Variants in TMEM117 observed in about 807,000 individuals in gnomAD.
TMEM117 encodes transmembrane protein 117.
TMEM117 carries 27 observed loss-of-function variants against 52.4 expected under a neutral mutation model. The ratio of observed to expected loss-of-function variants is 0.51; its 90% CI spans 0.38 to 0.71. The LOEUF is 0.71. TMEM117 is among the 30% of genes least tolerant of loss of function. TMEM117 has a pLI of 0.00. For missense variants in TMEM117, 556 were observed against 630.5 expected (o/e 0.88, Z 1.26); for synonymous variants, 215 against 206.3 (o/e 1.04, Z -0.36).
At chr12:43,797,349 A>G in the TMEM117 span, 1 of 1,605,518 alleles carries the variant, frequency 6.2e-7, no homozygotes, top group Non-Finnish European at 8.5e-7. Flanking sequence ...ATACAGAAAG[A>G]AATGGTAACG....
chr12:43,804,696 GTAT>G, the TMEM117 span: 1 of 573,632 alleles, frequency 1.7e-6, no homozygotes, highest in South Asian at 2.4e-5. Context: ...CTTATTATCA[GTAT>G]TATAAAACTT....
At chr12:44,063,034 G>A (rs1360725322) in intron 3 of TMEM117, among the ~76,000 whole-genome samples, 2 of 152,036 alleles carry the variant, frequency 1.3e-5, no homozygotes, top group Non-Finnish European at 2.9e-5. Flanking sequence ...CCTGCTGTAC[G>A]GAGACACACA....
chr12:43,822,916 G>C, the TMEM117 span, among the ~76,000 whole-genome samples: 1 of 149,094 alleles, frequency 6.7e-6, no homozygotes, highest in Admixed American at 6.7e-5. Context: ...AAAAAAAAAA[G>C]GGTAATCTAC....
intron 6 of TMEM117, among the ~76,000 whole-genome samples, chr12:44,311,278 A>C (rs1950971640): frequency 6.6e-6 from 1 of 152,168 alleles, no homozygotes; most frequent in African/African-American, 2.4e-5. Context: ...AGCTGAGTAC[A>C]TTCATTTGGC....
At chr12:43,912,346 G>A (rs1944520486) in intron 2 of TMEM117, among the ~76,000 whole-genome samples, 1 of 150,444 alleles carries the variant, frequency 6.6e-6, no homozygotes, top group Admixed American at 6.6e-5. Flanking sequence ...GGGGACTGTT[G>A]TGGGGTGGGG....
At chr12:44,042,801 CACA>C (rs1946822445) in intron 3 of TMEM117, among the ~76,000 whole-genome samples, 1 of 143,388 alleles carries the variant, frequency 7.0e-6, no homozygotes. Flanking sequence ...CACACACACA[CACA>C]CACACTTATT....
intron 2 of TMEM117, among the ~76,000 whole-genome samples, chr12:43,882,165 T>C (rs1458518030): frequency 6.6e-6 from 1 of 152,176 alleles, no homozygotes; most frequent in African/African-American, 2.4e-5. Context: ...AAGCTTGCAT[T>C]ATATTCCTCT....
At chr12:44,048,603 A>G (rs1946916905) in intron 3 of TMEM117, among the ~76,000 whole-genome samples, 1 of 152,216 alleles carries the variant, frequency 6.6e-6, no homozygotes, top group South Asian at 2.1e-4. Flanking sequence ...TGCAGTGCAC[A>G]AAATAAAGGG....
intron 3 of TMEM117, among the ~76,000 whole-genome samples, chr12:44,044,093 T>C (rs1321893338): frequency 6.6e-6 from 1 of 152,218 alleles, no homozygotes. Context: ...TTAATCACTT[T>C]AAACGTACTC....
At chr12:43,818,597 T>G in the TMEM117 span, among the ~76,000 whole-genome samples, 2 of 152,108 alleles carry the variant, frequency 1.3e-5, no homozygotes, top group African/African-American at 4.8e-5. Flanking sequence ...TGTGCCATTA[T>G]GCCCAGCTAA....
intron 5 of TMEM117, among the ~76,000 whole-genome samples, chr12:44,265,081 A>G (rs543807837): frequency 3.9e-5 from 6 of 152,310 alleles, no homozygotes; most frequent in Admixed American, 3.3e-4. Context: ...GAAGTAAAAT[A>G]CTATGACAAA....
chr12:44,275,857 G>A (rs1950505666), intron 5 of TMEM117, among the ~76,000 whole-genome samples: 1 of 151,888 alleles, frequency 6.6e-6, no homozygotes, highest in Admixed American at 6.6e-5. Flanking sequence ...GAGATAGTGA[G>A]GAAGAATGAA....
intron 2 of TMEM117, among the ~76,000 whole-genome samples, chr12:43,850,210 C>A (rs1172096848): frequency 2.0e-5 from 3 of 152,086 alleles, no homozygotes; most frequent in Admixed American, 6.6e-5. Context: ...GGCTTATACA[C>A]CATGGGGAAT....
At chr12:44,319,016 T>G (rs900689421) in intron 6 of TMEM117, among the ~76,000 whole-genome samples, 1 of 152,150 alleles carries the variant, frequency 6.6e-6, no homozygotes. Context: ...ACTGTCGCTG[T>G]AGCAGCTTCC....
At chr12:44,360,828 G>C (rs1451383480) in intron 6 of TMEM117, among the ~76,000 whole-genome samples, 2 of 152,076 alleles carry the variant, frequency 1.3e-5, no homozygotes, top group South Asian at 2.1e-4. Context: ...CTGATCTGAA[G>C]TCACATACCC....
intron 3 of TMEM117, among the ~76,000 whole-genome samples, chr12:44,019,422 A>T (rs562489109): frequency 1.3e-5 from 2 of 152,106 alleles, no homozygotes; most frequent in Non-Finnish European, 2.9e-5. Context: ...TCAGGAGGGT[A>T]CTGGCTCATT....
chr12:44,365,281 CAGG>C, intron 6 of TMEM117, among the ~76,000 whole-genome samples: 1 of 151,998 alleles, frequency 6.6e-6, no homozygotes, highest in Non-Finnish European at 1.5e-5. Context: ...CCAGGTGCTC[CAGG>C]TAGCAAAAAA....
chr12:44,199,589 A>G (rs1327271346), intron 4 of TMEM117, among the ~76,000 whole-genome samples: 1 of 152,144 alleles, frequency 6.6e-6, no homozygotes, highest in East Asian at 1.9e-4. Context: ...AATTGTCTCA[A>G]TTGACTTTCT....
At chr12:44,249,824 C>G (rs1950175944) in intron 5 of TMEM117, among the ~76,000 whole-genome samples, 1 of 152,116 alleles carries the variant, frequency 6.6e-6, no homozygotes, top group South Asian at 2.1e-4. Context: ...TTCCTTACAC[C>G]TTATACAAAA....
Sources: allele counts gnomAD v4.1 joint callset (sites outside exome capture counted in the v4.1 genomes callset), GRCh38; gene constraint gnomAD v4.1.1; transcripts MANE v1.5; gene names NCBI Gene and HGNC (gene_info 2026-07-23, HGNC 2026-07-21).